Variants in HECTD2 observed in about 807,000 individuals in gnomAD.
HECTD2 encodes HECT domain E3 ubiquitin protein ligase 2.
HECTD2 carries 35 observed loss-of-function variants against 103.2 expected under a neutral mutation model. The observed-to-expected ratio is 0.34, with a 90% CI of 0.26 to 0.45. The LOEUF is 0.45. Ranked by LOEUF, HECTD2 falls within the 20% of genes least tolerant of loss-of-function variation. The pLI is 1.00. For missense variants in HECTD2, 596 were observed against 937.4 expected (o/e 0.64, Z 4.76); for synonymous variants, 281 against 329.9 (o/e 0.85, Z 1.61).
intron 20 of HECTD2, among the ~76,000 whole-genome samples, chr10:91,509,262 C>G (rs1360714262): frequency 6.6e-6 from 1 of 151,182 alleles, no homozygotes; most frequent in Non-Finnish European, 1.5e-5. Flanking sequence ...TACCCTAAAA[C>G]TTAAAGTATA....
chr10:91,463,673 G>A (rs1396780338), intron 5 of HECTD2: 1 of 152,112 alleles, frequency 6.6e-6, no homozygotes, highest in African/African-American at 2.4e-5. Flanking sequence ...AGACCTCTTT[G>A]TCTTATTCCC....
rs149633817 is a variant in HECTD2 at position 91,414,191 on chromosome 10, A to T, written c.138+3615A>T. On this transcript the variant is annotated intron_variant, in intron 1 of 20. Transcript: ENST00000298068. Reference sequence around the variant, plus strand: ...AACCCTCTGGATAGGGTACCAGTACATTGGGTTCAAGAAAGAGCTAGATTT... The same window carrying T: ...AACCCTCTGGATAGGGTACCAGTACTTTGGGTTCAAGAAAGAGCTAGATTT... Among the ~76,000 whole-genome samples, 3 of 152,188 alleles carry T rather than the reference A, an allele frequency of 2.0e-5. No homozygotes were observed. The South Asian group carries it at 6.2e-4, about 32-fold the overall frequency.
At chr10:91,462,494 G>C (rs771308307) in intron 5 of HECTD2, 8 of 1,147,934 alleles carry the variant, frequency 7.0e-6, no homozygotes, top group Non-Finnish European at 8.7e-6. Context: ...CTGTAGATCA[G>C]TGGTTCTTAA....
intron 14 of HECTD2, 84 bp downstream of exon 14, chr10:91,493,592 T>C (rs1282803970): frequency 2.9e-6 from 2 of 678,428 alleles, no homozygotes; most frequent in Admixed American, 7.3e-5. Context: ...AACTGTTTTC[T>C]TTAGCCATTT....
At chr10:91,422,770 TTC>T (rs1440810646) in intron 1 of HECTD2, among the ~76,000 whole-genome samples, 1 of 152,192 alleles carries the variant, frequency 6.6e-6, no homozygotes, top group African/African-American at 2.4e-5. Flanking sequence ...CTTTTCAATT[TTC>T]TCTCTTATCT....
Position 91,410,571 on chromosome 10 carries a change from A to G in HECTD2, c.133A>G (p.Thr45Ala). ...CATCGTATCGGCGGGCGCCGGCGCG[A>G]CCGCGGTAGGTGGTGGGCCGGGGCC... is the stretch of plus-strand genomic sequence containing the variant. ...PPIVSAGAGA[T>A]AGLDRGAKGQ... Residue 45 changes from threonine (T) to alanine (A), a missense_variant, in exon 1 of 21, where the codon ACC (threonine) becomes GCC (alanine). Physicochemically the swap from Thr to Ala is moderately conservative, Grantham distance 58 (BLOSUM62 0). Around this residue, in one of 4 missense-constraint regions of HECTD2, gnomAD observed 220 missense variants for 233.9 expected, o/e 0.94. Transcript: ENST00000298068. 7.0e-7 allele frequency: 1 copy of G among 1,420,358 alleles called. No homozygotes were observed. The highest frequency in any genetic ancestry group is 1.4e-5 in the South Asian group (1 of 69,682). The allele number at this position is 1,420,358 out of a possible 1,614,324, so 88.0% of individuals were successfully genotyped here. A position where few individuals can be genotyped will look rare whatever the true frequency, so the allele number is the denominator to read the frequency against.
intron 1 of HECTD2, among the ~76,000 whole-genome samples, chr10:91,421,200 C>G (rs1280048593): frequency 6.6e-6 from 1 of 152,158 alleles, no homozygotes; most frequent in African/African-American, 2.4e-5. Flanking sequence ...CATAGTTGCC[C>G]ATTTCCGTTA....
At chr10:91,427,720 T>C in intron 2 of HECTD2, among the ~76,000 whole-genome samples, 1 of 152,142 alleles carries the variant, frequency 6.6e-6, no homozygotes, top group Non-Finnish European at 1.5e-5. Flanking sequence ...GTAAATTTGT[T>C]TGAGTTCATT....
chr10:91,496,471 T>C (rs1424141053), intron 15 of HECTD2, 99 bp downstream of exon 15: 1 of 838,562 alleles, frequency 1.2e-6, no homozygotes, highest in Non-Finnish European at 1.8e-6. Flanking sequence ...CTTTTAAATA[T>C]GGTTTCCTTC....
intron 9 of HECTD2, among the ~76,000 whole-genome samples, 186 bp from the exon 10 acceptor site, chr10:91,484,990 TAAGC>T (rs769522187): frequency 7.9e-5 from 12 of 152,004 alleles, no homozygotes; most frequent in Non-Finnish European, 1.3e-4. Flanking sequence ...TTTTCTTTTT[TAAGC>T]AAGAAACTAT....
chr10:91,415,001 G>T (rs1053644119), intron 1 of HECTD2, among the ~76,000 whole-genome samples: 8 of 152,190 alleles, frequency 5.3e-5, no homozygotes, highest in African/African-American at 1.7e-4. Context: ...GTGAAGAAAA[G>T]AGCTTTGTAG....
chr10:91,503,593 G>A (rs963527073), intron 20 of HECTD2, among the ~76,000 whole-genome samples: 2 of 152,220 alleles, frequency 1.3e-5, no homozygotes, highest in Admixed American at 1.3e-4. Flanking sequence ...GGTGCACCAC[G>A]AGATTATATC....
intron 14 of HECTD2, 76 bp downstream of exon 14, chr10:91,493,584 C>G: frequency 1.3e-6 from 1 of 769,124 alleles, no homozygotes; most frequent in Non-Finnish European, 2.0e-6. Context: ...TTTTAGAAAA[C>G]TGTTTTCTTT....
chr10:91,461,845 C>A (rs933364506), intron 4 of HECTD2, among the ~76,000 whole-genome samples: 4 of 152,152 alleles, frequency 2.6e-5, no homozygotes, highest in African/African-American at 9.7e-5. Context: ...CCATCACACC[C>A]AGCCCTTAAA....
At chr10:91,459,464 A>C (rs1421986285) in intron 2 of HECTD2, among the ~76,000 whole-genome samples, 1 of 152,082 alleles carries the variant, frequency 6.6e-6, no homozygotes, top group Non-Finnish European at 1.5e-5. Flanking sequence ...ATAGCGGTAC[A>C]CCCAAATAGT....
At chr10:91,512,154 C>CGT in intron 20 of HECTD2, 110 bp from the exon 21 acceptor site, 4 of 1,183,838 alleles carry the variant, frequency 3.4e-6, no homozygotes, top group Non-Finnish European at 4.8e-6. Context: ...CATCTCTTAA[C>CGT]AGAGTGAAAT....
At chr10:91,423,754 T>C (rs1843447651) in intron 1 of HECTD2, among the ~76,000 whole-genome samples, 1 of 152,164 alleles carries the variant, frequency 6.6e-6, no homozygotes, top group African/African-American at 2.4e-5. Context: ...CTCTTTTATA[T>C]TAATTTCTTT....
rs1268136011 is a variant in HECTD2, at chr10:91,413,450, T to A, written c.138+2874T>A. The stretch of plus-strand genomic sequence containing the variant: ...CTACATCTCACCCTAGAGCACCTGT[T>A]TTCAACCTTAGATGCACAGTAGAAT... On this transcript the variant is annotated intron_variant, in intron 1 of 20. Transcript: ENST00000298068. Among the ~76,000 whole-genome samples, 65 of 152,226 alleles carry A rather than the reference T, an allele frequency of 4.3e-4. 1 individual carries two copies. The highest frequency in any genetic ancestry group is 4.3e-3 in the Admixed American group (65 of 15,286).
chr10:91,473,370 C>G (rs1845796260), intron 5 of HECTD2, among the ~76,000 whole-genome samples: 2 of 152,068 alleles, frequency 1.3e-5, no homozygotes, highest in African/African-American at 4.8e-5. Context: ...AACTGACTTT[C>G]AAGAATGAGG....
Sources: gnomAD v4.1 joint callset for allele counts (sites outside exome capture counted in the v4.1 genomes callset) on GRCh38, gnomAD v4.1.1 for gene constraint, gnomAD v4.1.1 regional missense constraint, MANE v1.5 for transcripts, NCBI Gene and HGNC (gene_info 2026-07-23, HGNC 2026-07-21) for gene names.